Variants in COPG2 observed in about 807,000 individuals in gnomAD.
COPG2 encodes coat protein complex I subunit gamma 2.
COPG2 carries 37 observed loss-of-function variants against 46.3 expected under a neutral mutation model. The observed-to-expected ratio is 0.80, with a 90% CI of 0.61 to 1.05. COPG2 has a LOEUF of 1.05. Among genes scored for constraint, COPG2 ranks in the 50% least tolerant of loss-of-function variants. The pLI, the probability that COPG2 is intolerant of heterozygous loss-of-function variation, is 0.00. For missense variants in COPG2, 427 were observed against 387.8 expected (o/e 1.10, Z -0.85); for synonymous variants, 159 against 129.7 (o/e 1.23, Z -1.53).
intron 4 of COPG2, among the ~76,000 whole-genome samples, chr7:130,660,359 A>T (rs574463425): frequency 6.6e-6 from 1 of 152,164 alleles, no homozygotes; most frequent in African/African-American, 2.4e-5. Flanking sequence ...TTTCATCAGC[A>T]AAATCCCCTA....
intron 9 of COPG2, among the ~76,000 whole-genome samples, chr7:130,585,602 C>A (rs1794250894): frequency 6.6e-6 from 1 of 151,874 alleles, no homozygotes; most frequent in African/African-American, 2.4e-5. Flanking sequence ...GAATCTACAA[C>A]AAACTCTAAC....
intron 5 of COPG2, among the ~76,000 whole-genome samples, chr7:130,629,078 G>A (rs1307477002): frequency 6.6e-6 from 1 of 151,930 alleles, no homozygotes; most frequent in Non-Finnish European, 1.5e-5. Context: ...GTCTCACTGG[G>A]TATAAAATTA....
At chr7:130,603,811 G>A in intron 9 of COPG2, 1 of 518,894 alleles carries the variant, frequency 1.9e-6, no homozygotes, top group South Asian at 1.4e-5. Flanking sequence ...AACAACATGG[G>A]GTTAACAGTG....
chr7:130,509,289 T>C (rs782128427), intron 20 of COPG2: 3 of 514,530 alleles, frequency 5.8e-6, no homozygotes, highest in Non-Finnish European at 1.2e-5. Context: ...CAAGTGGTGT[T>C]AAGTAATAAG....
At chr7:130,524,356 G>A (rs1799754650) in intron 20 of COPG2, among the ~76,000 whole-genome samples, 1 of 152,028 alleles carries the variant, frequency 6.6e-6, no homozygotes, top group Non-Finnish European at 1.5e-5. Context: ...ATGCAGGAGG[G>A]TGCAGGTGGG....
chr7:130,603,850 TG>T (rs1554450799), intron 9 of COPG2: 2 of 519,092 alleles, frequency 3.9e-6, no homozygotes, highest in Non-Finnish European at 7.7e-6. Flanking sequence ...CAAATTCACA[TG>T]TAACTTTTGA....
At chr7:130,511,935 C>T in intron 20 of COPG2, 1 of 475,610 alleles carries the variant, frequency 2.1e-6, no homozygotes, top group South Asian at 1.5e-5. Context: ...TATAGATGGG[C>T]CGGGTGCAGT....
intron 20 of COPG2, chr7:130,510,125 G>A: frequency 1.9e-6 from 1 of 520,184 alleles, no homozygotes; most frequent in Non-Finnish European, 3.8e-6. Flanking sequence ...AAAGGTTAGA[G>A]ATAAGCTAGA....
intron 20 of COPG2, among the ~76,000 whole-genome samples, chr7:130,540,668 G>T (rs1439576678): frequency 6.6e-6 from 1 of 152,074 alleles, no homozygotes; most frequent in African/African-American, 2.4e-5. Flanking sequence ...AAGATGAGAT[G>T]TGTTAAGTGG....
chr7:130,633,472 G>C (rs1233919090), intron 5 of COPG2, among the ~76,000 whole-genome samples: 2 of 152,178 alleles, frequency 1.3e-5, no homozygotes, highest in African/African-American at 4.8e-5. Context: ...TTGTGGTTTT[G>C]ATTTGCATTT....
intron 3 of COPG2, among the ~76,000 whole-genome samples, chr7:130,666,393 A>C (rs1407163690): frequency 6.6e-6 from 1 of 152,234 alleles, no homozygotes; most frequent in Non-Finnish European, 1.5e-5. Flanking sequence ...AGAATCTACT[A>C]TGCGCATCAC....
At chr7:130,589,332 C>T (rs551056271) in intron 9 of COPG2, among the ~76,000 whole-genome samples, 8 of 151,598 alleles carry the variant, frequency 5.3e-5, no homozygotes, top group Admixed American at 4.6e-4. Flanking sequence ...GGCTACAGTG[C>T]AGTAGCAATT....
chr7:130,516,200 A>G (rs956762625), intron 20 of COPG2, among the ~76,000 whole-genome samples: 1,691 of 152,334 alleles, frequency 0.011, 32 homozygotes, highest in African/African-American at 0.039. Context: ...AAAAGTGTCA[A>G]TGATACTAAC....
At chr7:130,601,345 T>G (rs186152771) in intron 9 of COPG2, among the ~76,000 whole-genome samples, 1 of 152,276 alleles carries the variant, frequency 6.6e-6, no homozygotes, top group East Asian at 1.9e-4. Context: ...ATCATTCTAC[T>G]CTAAAGACAC....
intron 5 of COPG2, among the ~76,000 whole-genome samples, chr7:130,635,338 C>T (rs1795316012): frequency 6.6e-6 from 1 of 151,900 alleles, no homozygotes; most frequent in South Asian, 2.1e-4. Context: ...CCTGTCTGGT[C>T]CTGGGCTTTT....
At chr7:130,567,225 G>T (rs1333456721) in intron 9 of COPG2, among the ~76,000 whole-genome samples, 1 of 152,164 alleles carries the variant, frequency 6.6e-6, no homozygotes, top group Non-Finnish European at 1.5e-5. Flanking sequence ...GGGAACAATA[G>T]GCACTGGAGC....
intron 9 of COPG2, among the ~76,000 whole-genome samples, chr7:130,608,639 G>A (rs370094433): frequency 4.1e-4 from 62 of 151,934 alleles, no homozygotes; most frequent in African/African-American, 1.5e-3. Flanking sequence ...TTATCCTCTC[G>A]TATCCATTTT....
At chr7:130,535,551 T>C (rs1799870319) in intron 20 of COPG2, among the ~76,000 whole-genome samples, 2 of 147,354 alleles carry the variant, frequency 1.4e-5, no homozygotes, top group Non-Finnish European at 3.0e-5. Flanking sequence ...CAGGAAGGAA[T>C]GGCTGCTCTT....
chr7:130,657,775 A>G (rs1795886242), intron 4 of COPG2, among the ~76,000 whole-genome samples: 1 of 152,194 alleles, frequency 6.6e-6, no homozygotes, highest in Non-Finnish European at 1.5e-5. Context: ...TAAAAATACA[A>G]ATGAAAAGAT....
Sources: gnomAD v4.1 joint callset for allele counts (sites outside exome capture counted in the v4.1 genomes callset) on GRCh38, gnomAD v4.1.1 for gene constraint, MANE v1.5 for transcripts, NCBI Gene and HGNC (gene_info 2026-07-23, HGNC 2026-07-21) for gene names.